RAB3C: variants seen among roughly 807,000 people sequenced by gnomAD.
The protein encoded by RAB3C is RAB3C, member RAS oncogene family.
Under a neutral mutation model 26.4 loss-of-function variants are expected in RAB3C, and 17 were observed. The observed-to-expected ratio is 0.64, with a 90% confidence interval of 0.44 to 0.97. The LOEUF (loss-of-function observed/expected upper bound fraction) is 0.97, where lower values mean the gene tolerates loss of function less well. RAB3C is among the 50% of genes least tolerant of loss of function. RAB3C has a pLI of 0.00. For synonymous variants in RAB3C, 91 were observed against 95.9 expected (o/e 0.95, Z 0.30); for missense variants, 242 against 281.9 (o/e 0.86, Z 1.01).
chr5:58,811,320 T>A (rs141629747), intron 3 of RAB3C, among the ~76,000 whole-genome samples: 2 of 152,062 alleles, frequency 1.3e-5, no homozygotes, highest in Non-Finnish European at 2.9e-5. Context: ...TGAAAAGCAA[T>A]GTCATTTTAA....
chr5:58,788,826 C>G (rs1315198080), intron 3 of RAB3C, among the ~76,000 whole-genome samples: 4 of 152,178 alleles, frequency 2.6e-5, no homozygotes, highest in African/African-American at 9.7e-5. Context: ...CTACAGAAAT[C>G]TCACATTTTG....
At chr5:58,649,704 G>C (rs113579452) in intron 2 of RAB3C, among the ~76,000 whole-genome samples, 1 of 152,026 alleles carries the variant, frequency 6.6e-6, no homozygotes, top group Non-Finnish European at 1.5e-5. Context: ...CCCTGCTTAC[G>C]ATTTCCCTCT....
chr5:58,701,709 T>C (rs1472885374), intron 2 of RAB3C, among the ~76,000 whole-genome samples: 4 of 152,228 alleles, frequency 2.6e-5, no homozygotes, highest in African/African-American at 9.6e-5. Flanking sequence ...CCTGGGCTCA[T>C]GGCCCCTTCC....
chr5:58,857,586 A>G lies in RAB3C; in HGVS notation c.*6235A>G, dbSNP rs1744293907. ...TAAGAATTTTCACCTCTGTACTTGT[A>G]TGTATATTTTATTGTTACTCAATCT... On this transcript the variant is annotated 3_prime_UTR_variant, in exon 5 of 5. Coordinates refer to ENST00000282878, the MANE Select transcript of RAB3C (RefSeq NM_138453.4). 6.6e-6 allele frequency: 1 copy of G among 152,200 alleles called. No homozygotes were observed. The highest frequency in any genetic ancestry group is 2.4e-5 in the African/African-American group (1 of 41,448). The allele number at this position is 152,200 out of a possible 1,614,324, so 9.4% of individuals were successfully genotyped here.
intron 1 of RAB3C, among the ~76,000 whole-genome samples, chr5:58,583,532 G>T (rs979008653): frequency 6.6e-6 from 1 of 152,166 alleles, no homozygotes; most frequent in Non-Finnish European, 1.5e-5. Flanking sequence ...ATGCAATCTC[G>T]TGTTGGCATT....
intron 2 of RAB3C, among the ~76,000 whole-genome samples, chr5:58,624,336 A>G (rs449867): frequency 0.19 from 28,457 of 152,084 alleles, 3,000 homozygotes; most frequent in Admixed American, 0.28. Context: ...GGGAAGGGGA[A>G]GCCTATTTTA....
intron 3 of RAB3C, among the ~76,000 whole-genome samples, chr5:58,808,514 A>AGGG (rs1222970099): frequency 1.3e-5 from 2 of 152,212 alleles, no homozygotes; most frequent in African/African-American, 4.8e-5. Context: ...TCTGCTAAGT[A>AGGG]AACCCATTGG....
At chr5:58,724,670 G>T (rs1201875375) in intron 2 of RAB3C, among the ~76,000 whole-genome samples, 1 of 151,488 alleles carries the variant, frequency 6.6e-6, no homozygotes, top group Non-Finnish European at 1.5e-5. Flanking sequence ...GGTACTTTGA[G>T]CGGGTTCTTT....
intron 4 of RAB3C, among the ~76,000 whole-genome samples, chr5:58,839,973 T>C (rs1743842197): frequency 6.6e-6 from 1 of 151,666 alleles, no homozygotes. Context: ...CTATAGGGGT[T>C]CTGTGAGAAT....
chr5:58,642,302 G>A (rs1348741830), intron 2 of RAB3C, among the ~76,000 whole-genome samples: 3 of 152,180 alleles, frequency 2.0e-5, no homozygotes, highest in African/African-American at 7.2e-5. Context: ...TAATTCATGG[G>A]AGGTTGTACA....
intron 2 of RAB3C, among the ~76,000 whole-genome samples, chr5:58,706,873 C>G (rs1394551879): frequency 6.6e-6 from 1 of 152,180 alleles, no homozygotes; most frequent in East Asian, 1.9e-4. Context: ...ACCGTTGAGA[C>G]AAAGGGTTTT....
chr5:58,797,303 G>A (rs1742677859), intron 3 of RAB3C, among the ~76,000 whole-genome samples: 1 of 132,656 alleles, frequency 7.5e-6, no homozygotes, highest in Non-Finnish European at 1.6e-5. Context: ...GGCAGTGAGT[G>A]AATTCAGCAC....
chr5:58,746,518 G>C (rs984474200), intron 3 of RAB3C, among the ~76,000 whole-genome samples: 3 of 152,182 alleles, frequency 2.0e-5, no homozygotes, highest in Non-Finnish European at 2.9e-5. Context: ...GTGGGAGCTT[G>C]AGCTTAACAT....
chr5:58,786,548 T>C (rs1742386533), intron 3 of RAB3C, among the ~76,000 whole-genome samples: 1 of 152,206 alleles, frequency 6.6e-6, no homozygotes, highest in East Asian at 1.9e-4. Context: ...GCTCTTCTCC[T>C]GCCCTGGTTC....
At chr5:58,666,770 A>G (rs1012457803) in intron 2 of RAB3C, among the ~76,000 whole-genome samples, 2 of 152,224 alleles carry the variant, frequency 1.3e-5, no homozygotes, top group Non-Finnish European at 2.9e-5. Context: ...TTCTCTGAAG[A>G]CAGATGATGA....
chr5:58,675,006 G>T (rs76865432), intron 2 of RAB3C, among the ~76,000 whole-genome samples: 174 of 152,190 alleles, frequency 1.1e-3, no homozygotes, highest in Non-Finnish European at 1.8e-3. Flanking sequence ...AGACCTCGTG[G>T]TGAATCCAGC....
At chr5:58,781,859 T>C (rs1250130131) in intron 3 of RAB3C, among the ~76,000 whole-genome samples, 5 of 152,122 alleles carry the variant, frequency 3.3e-5, no homozygotes, top group African/African-American at 9.7e-5. Context: ...ACTACCCCAG[T>C]CCCTGACTTT....
At chr5:58,848,081 T>C (rs1029419350) in intron 4 of RAB3C, among the ~76,000 whole-genome samples, 1 of 152,118 alleles carries the variant, frequency 6.6e-6, no homozygotes, top group Non-Finnish European at 1.5e-5. Flanking sequence ...GGTCTCGAAC[T>C]CCTGACCTCG....
chr5:58,638,715 C>T (rs1561275101), intron 2 of RAB3C, among the ~76,000 whole-genome samples: 1 of 152,158 alleles, frequency 6.6e-6, no homozygotes, highest in Middle Eastern at 3.2e-3. Context: ...TATGTCACCT[C>T]GGGCACTGAA....
Sources: allele counts gnomAD v4.1 joint callset (sites outside exome capture counted in the v4.1 genomes callset), GRCh38; gene constraint gnomAD v4.1.1; transcripts MANE v1.5; gene names NCBI Gene and HGNC (gene_info 2026-07-23, HGNC 2026-07-21).